The following CCDC3 variants were observed in gnomAD, a reference collection of about 807,000 sequenced individuals.
The protein encoded by CCDC3 is coiled-coil domain containing 3, also known as coiled-coil domain-containing protein 3.
CCDC3 carries 24 observed loss-of-function variants against 21.4 expected under a neutral mutation model. That is an observed-to-expected ratio of 1.12 (90% CI 0.81 to 1.58). The LOEUF is 1.58. Among genes scored for constraint, CCDC3 ranks in the 40% most tolerant of loss-of-function variants. The pLI is 0.00. For synonymous variants in CCDC3, 186 were observed against 166.0 expected (o/e 1.12, Z -0.93); for missense variants, 425 against 360.9 (o/e 1.18, Z -1.44).
At chr10:12,899,834 A>T (rs867405132) in intron 2 of CCDC3, among the ~76,000 whole-genome samples, 2 of 152,196 alleles carry the variant, frequency 1.3e-5, no homozygotes, top group Non-Finnish European at 2.9e-5. Context: ...AGGAAGAAGA[A>T]GATTCATTTT....
chr10:13,014,673 T>C (rs905865425), intron 5 of CCDC3, among the ~76,000 whole-genome samples: 1 of 152,016 alleles, frequency 6.6e-6, no homozygotes, highest in Admixed American at 6.5e-5. Context: ...ACTAAAGTAT[T>C]TGCAGATGAT....
chr10:12,986,256 C>T (rs1372268066), intron 2 of CCDC3, among the ~76,000 whole-genome samples: 1 of 152,276 alleles, frequency 6.6e-6, no homozygotes, highest in African/African-American at 2.4e-5. Context: ...GAGTTTTACA[C>T]ATGTACACAA....
intron 2 of CCDC3, among the ~76,000 whole-genome samples, chr10:12,976,830 G>GAC (rs1835424731): frequency 6.6e-6 from 1 of 151,774 alleles, no homozygotes. Flanking sequence ...AATACCAAGA[G>GAC]TGAACCCTAA....
intron 2 of CCDC3, among the ~76,000 whole-genome samples, chr10:12,916,730 C>A (rs939931016): frequency 6.6e-6 from 1 of 152,194 alleles, no homozygotes; most frequent in Non-Finnish European, 1.5e-5. Context: ...GATCTGGAAC[C>A]GGAAGTAAGC....
At chr10:12,923,605 A>G (rs1834487978) in intron 2 of CCDC3, among the ~76,000 whole-genome samples, 1 of 152,208 alleles carries the variant, frequency 6.6e-6, no homozygotes. Context: ...CAATGATGTG[A>G]TATTTTGTGA....
intron 5 of CCDC3, among the ~76,000 whole-genome samples, chr10:13,023,073 T>G (rs535374232): frequency 1.5e-4 from 12 of 79,334 alleles, no homozygotes; most frequent in Non-Finnish European, 3.3e-4. Context: ...TTGAGTTGTG[T>G]TTTTTTTTGC....
intron 4 of CCDC3, among the ~76,000 whole-genome samples, chr10:13,069,644 A>G (rs1483799934): frequency 6.6e-6 from 1 of 152,212 alleles, no homozygotes; most frequent in Non-Finnish European, 1.5e-5. Flanking sequence ...AGAGGTGAAC[A>G]GGATTATTTG....
chr10:13,025,167 A>G (rs1201306738), intron 5 of CCDC3, among the ~76,000 whole-genome samples: 1 of 152,190 alleles, frequency 6.6e-6, no homozygotes, highest in African/African-American at 2.4e-5. Context: ...AGGGTCTGCC[A>G]TGGCCTCATT....
At chr10:13,058,346 C>T (rs1836709537) in intron 4 of CCDC3, 3 of 1,194,076 alleles carry the variant, frequency 2.5e-6, no homozygotes, top group Non-Finnish European at 3.7e-6. Flanking sequence ...GCCAAACCTA[C>T]TGAGAATCCT....
At chr10:12,964,741 G>A (rs1221106516) in intron 2 of CCDC3, among the ~76,000 whole-genome samples, 2 of 152,208 alleles carry the variant, frequency 1.3e-5, no homozygotes, top group African/African-American at 2.4e-5. Flanking sequence ...CTTTGCAGAT[G>A]AACAAAGAGA....
At chr10:13,053,455 A>G (rs545958358) in intron 4 of CCDC3, among the ~76,000 whole-genome samples, 26 of 152,032 alleles carry the variant, frequency 1.7e-4, no homozygotes, top group Non-Finnish European at 2.8e-4. Context: ...CTATAGTCCC[A>G]GCTACTCAGG....
intron 2 of CCDC3, among the ~76,000 whole-genome samples, chr10:12,940,229 G>T (rs3063805): frequency 0.023 from 2,384 of 105,420 alleles, 260 homozygotes; most frequent in African/African-American, 0.075. Flanking sequence ...CATTGAAATT[G>T]TTTTTTTTTT....
chr10:13,060,127 A>G (rs1195722956), intron 4 of CCDC3, among the ~76,000 whole-genome samples: 2 of 151,232 alleles, frequency 1.3e-5, no homozygotes, highest in South Asian at 2.1e-4. Context: ...AATGGCTCCA[A>G]ATCTGAGCCA....
At chr10:13,085,794 C>T (rs1837095628) in intron 3 of CCDC3, among the ~76,000 whole-genome samples, 1 of 151,962 alleles carries the variant, frequency 6.6e-6, no homozygotes, top group South Asian at 2.1e-4. Context: ...TGGCGAAACC[C>T]CATCTCTATT....
chr10:13,001,730 C>G, upstream of CCDC3: 1 of 389,012 alleles, frequency 2.6e-6, no homozygotes, highest in Non-Finnish European at 3.6e-6. Flanking sequence ...CCCTGGCGCG[C>G]CACGCTTTAA....
At position 12,980,374 on chromosome 10, in the gene CCDC3, C is replaced by G. The variant is rs77411233; in HGVS notation, c.549+17964G>C. 7.7e-3 allele frequency among the ~76,000 whole-genome samples: 1,175 copies of G among 152,308 alleles called. 21 individuals are homozygous for G. The highest frequency in any genetic ancestry group is 0.027 in the African/African-American group (1,127 of 41,552). On this transcript the variant is annotated intron_variant, in intron 2 of 2. Transcript: ENST00000378825. ...TGGGGAAGACAGGAGGAGATCCTCT[C>G]CAGCCCAAGATTCACAGGCTGCGCT...
chr10:12,991,308 T>TTTG (rs1439392530), intron 2 of CCDC3, among the ~76,000 whole-genome samples: 1 of 137,114 alleles, frequency 7.3e-6, no homozygotes, highest in Non-Finnish European at 1.6e-5. Flanking sequence ...ATATGTTTTT[T>TTTG]TTGTTGTTGT....
intron 1 of CCDC3, among the ~76,000 whole-genome samples, 183 bp downstream of exon 1, chr10:13,001,014 T>C (rs1026617790): frequency 6.6e-6 from 1 of 152,152 alleles, no homozygotes; most frequent in Non-Finnish European, 1.5e-5. Context: ...GTAGTCAGGA[T>C]GTCTGTAGAG....
chr10:12,909,630 G>C (rs1441142999), intron 2 of CCDC3, among the ~76,000 whole-genome samples: 1 of 152,186 alleles, frequency 6.6e-6, no homozygotes, highest in Non-Finnish European at 1.5e-5. Flanking sequence ...CTGAAGTCAG[G>C]CTCTCCCTTC....
Sources: gnomAD v4.1 joint callset for allele counts (sites outside exome capture counted in the v4.1 genomes callset) on GRCh38, gnomAD v4.1.1 for gene constraint, MANE v1.5 for transcripts, NCBI Gene and HGNC (gene_info 2026-07-23, HGNC 2026-07-21) for gene names.